The following KCNMA1 variants were observed in gnomAD, a reference collection of about 807,000 sequenced individuals.
KCNMA1 encodes the protein potassium calcium-activated channel subfamily M alpha 1.
In KCNMA1, 29 loss-of-function variants were observed where a neutral mutation model predicts 140.0. That is an observed-to-expected ratio of 0.21 (90% CI 0.15 to 0.28). The LOEUF is 0.28. Ranked by LOEUF, KCNMA1 falls within the 10% of genes least tolerant of loss-of-function variation. KCNMA1 has a pLI of 1.00. For missense variants in KCNMA1, 880 were observed against 1,602.2 expected (o/e 0.55, Z 7.70); for synonymous variants, 612 against 611.9 (o/e 1.00, Z 0.00).
chr10:77,166,440 G>T lies in KCNMA1; in HGVS notation c.808+16981C>A, dbSNP rs552183521. 4.6e-5 allele frequency among the ~76,000 whole-genome samples: 7 copies of T among 152,246 alleles called. No homozygotes were observed. The East Asian group carries it at 7.8e-4, about 17-fold the overall frequency. On this transcript the variant is annotated intron_variant, in intron 5 of 27. Coordinates refer to ENST00000286628, the MANE Select transcript of KCNMA1 (RefSeq NM_001161352.2). Reference sequence around the variant, plus strand: ...GGTAAGAAGGGGAGCAGCCCAAGATGAAATTTCCTCCAAAACACCAGAGGT... The same window carrying T: ...GGTAAGAAGGGGAGCAGCCCAAGATTAAATTTCCTCCAAAACACCAGAGGT...
chr10:77,011,071 G>A (rs2153451390), intron 18 of KCNMA1, among the ~76,000 whole-genome samples: 1 of 152,068 alleles, frequency 6.6e-6, no homozygotes, highest in African/African-American at 2.4e-5. Flanking sequence ...ATGGGGTTAG[G>A]GTGAGAATCA....
At position 77,344,392 on chromosome 10, in the gene KCNMA1, T is replaced by A. The variant is rs1235452854; in HGVS notation, c.540+59470A>T. Among the ~76,000 whole-genome samples, 5 of 152,288 alleles carry A rather than the reference T, an allele frequency of 3.3e-5. No homozygotes were observed. The East Asian group carries it at 9.6e-4, about 29-fold the overall frequency. ...GAAGCAAGGTGAAAAGGAGGATTAA[T>A]CCATCCATCAAGGACCTTGGGTACT... On this transcript the variant is annotated intron_variant, in intron 2 of 27. Coordinates refer to ENST00000286628, the MANE Select transcript of KCNMA1 (RefSeq NM_001161352.2).
chr10:77,144,433 G>T (rs1597094807), intron 5 of KCNMA1, among the ~76,000 whole-genome samples: 1 of 152,172 alleles, frequency 6.6e-6, no homozygotes. Context: ...GGAGAGAGCA[G>T]ATATTGACAG....
At chr10:77,501,784 A>G (rs1026128699) in intron 1 of KCNMA1, among the ~76,000 whole-genome samples, 1 of 152,236 alleles carries the variant, frequency 6.6e-6, no homozygotes, top group Non-Finnish European at 1.5e-5. Flanking sequence ...GAGCAGGGGC[A>G]GGCAGAGGCC....
chr10:77,555,406 T>C (rs2064031434), intron 1 of KCNMA1, among the ~76,000 whole-genome samples: 1 of 152,022 alleles, frequency 6.6e-6, no homozygotes, highest in Non-Finnish European at 1.5e-5. Context: ...GAAAGGTAGC[T>C]CTTGGAGAAA....
At chr10:77,031,417 T>C (rs1565655547) in intron 15 of KCNMA1, among the ~76,000 whole-genome samples, 1 of 152,352 alleles carries the variant, frequency 6.6e-6, no homozygotes, top group East Asian at 1.9e-4. Context: ...CACTCTCTAT[T>C]GTCTCAGATG....
chr10:77,017,325 CT>C (rs1357074718), intron 17 of KCNMA1, among the ~76,000 whole-genome samples: 2 of 152,168 alleles, frequency 1.3e-5, no homozygotes, highest in Non-Finnish European at 2.9e-5. Context: ...GCTTTTGTGT[CT>C]CACAGTCTGG....
chr10:77,514,716 G>A (rs1363148536), intron 1 of KCNMA1, among the ~76,000 whole-genome samples: 2 of 152,170 alleles, frequency 1.3e-5, no homozygotes, highest in East Asian at 3.9e-4. Flanking sequence ...GGGTGGAATA[G>A]GGTAAGAATA....
intron 6 of KCNMA1, among the ~76,000 whole-genome samples, chr10:77,113,453 AT>A (rs2097373086): frequency 6.6e-6 from 1 of 151,744 alleles, no homozygotes; most frequent in Non-Finnish European, 1.5e-5. Context: ...TTATTTACTT[AT>A]TTATTTTTAT....
intron 23 of KCNMA1, among the ~76,000 whole-genome samples, chr10:76,937,592 T>A (rs1435962067): frequency 6.6e-6 from 1 of 152,228 alleles, no homozygotes; most frequent in Non-Finnish European, 1.5e-5. Context: ...GTTCTGCTTT[T>A]TGTCATCCAG....
At chr10:77,134,997 CAAAAAAA>C (rs71028253) in intron 5 of KCNMA1, among the ~76,000 whole-genome samples, 243 of 11,724 alleles carry the variant, frequency 0.021, no homozygotes, top group Non-Finnish European at 0.037. Flanking sequence ...GACTCTGTCT[CAAAAAAA>C]AAAAAAAAAA....
chr10:77,146,090 C>G (rs2098283001), intron 5 of KCNMA1, among the ~76,000 whole-genome samples: 1 of 152,160 alleles, frequency 6.6e-6, no homozygotes, highest in Non-Finnish European at 1.5e-5. Flanking sequence ...GTGATTTGCT[C>G]TAAATCTATC....
intron 1 of KCNMA1, among the ~76,000 whole-genome samples, chr10:77,612,154 C>CA (rs1214859186): frequency 2.0e-5 from 3 of 152,204 alleles, no homozygotes; most frequent in Admixed American, 2.0e-4. Flanking sequence ...CAGAGCCCAG[C>CA]ACCAGACCTT....
Position 76,999,885 on chromosome 10 carries a change from C to T in KCNMA1, c.2266+1522G>A, listed in dbSNP as rs183185232. ...TTTTCCAAATGCCTCTAATATGGCT[C>T]GATGCACAAATCATGCTTTGCACTT... On this transcript the variant is annotated intron_variant, in intron 19 of 27. Coordinates refer to ENST00000286628, the MANE Select transcript of KCNMA1 (RefSeq NM_001161352.2). Among the ~76,000 whole-genome samples, 34 of 152,220 alleles carry T rather than the reference C, an allele frequency of 2.2e-4. 1 individual carries two copies. The East Asian group carries it at 6.4e-3, about 29-fold the overall frequency.
At chr10:77,044,853 C>T (rs908100025) in intron 14 of KCNMA1, among the ~76,000 whole-genome samples, 1 of 152,082 alleles carries the variant, frequency 6.6e-6, no homozygotes, top group Non-Finnish European at 1.5e-5. Flanking sequence ...CACTCTTAAC[C>T]ACCCACCACA....
intron 1 of KCNMA1, among the ~76,000 whole-genome samples, chr10:77,539,180 T>A (rs2059608390): frequency 6.6e-6 from 1 of 152,144 alleles, no homozygotes; most frequent in African/African-American, 2.4e-5. Context: ...TTCTGTTCCC[T>A]CAAGAGCCTG....
chr10:77,412,882 G>C (rs1447496702), intron 1 of KCNMA1, among the ~76,000 whole-genome samples: 1 of 152,008 alleles, frequency 6.6e-6, no homozygotes, highest in Non-Finnish European at 1.5e-5. Context: ...TTTTGAGAAA[G>C]AGTCTCACTC....
intron 14 of KCNMA1, among the ~76,000 whole-genome samples, chr10:77,062,689 C>T (rs1400314775): frequency 2.6e-5 from 4 of 152,174 alleles, no homozygotes; most frequent in Non-Finnish European, 4.4e-5. Flanking sequence ...ATATGTATCT[C>T]CTACCTTGGA....
intron 2 of KCNMA1, among the ~76,000 whole-genome samples, chr10:77,253,829 A>G (rs1182085734): frequency 1.3e-5 from 2 of 152,176 alleles, no homozygotes; most frequent in East Asian, 3.8e-4. Context: ...TATTAAGGTA[A>G]CTGTGCACGT....
Sources: allele counts gnomAD v4.1 joint callset (sites outside exome capture counted in the v4.1 genomes callset), GRCh38; gene constraint gnomAD v4.1.1; transcripts MANE v1.5; gene names NCBI Gene and HGNC (gene_info 2026-07-23, HGNC 2026-07-21).